Variants in KLHL2 observed in about 807,000 individuals in gnomAD.
The protein encoded by KLHL2 is kelch like family member 2.
Under a neutral mutation model 75.8 loss-of-function variants are expected in KLHL2, and 15 were observed. The ratio of observed to expected loss-of-function variants is 0.20; its 90% CI spans 0.13 to 0.30. KLHL2 has a LOEUF of 0.30. Among genes scored for constraint, KLHL2 ranks in the 10% least tolerant of loss-of-function variants. KLHL2 has a pLI of 1.00. For missense variants in KLHL2, 381 were observed against 741.0 expected, an observed-to-expected ratio of 0.51 and a Z score of 5.64; for synonymous variants, 214 against 251.9, an observed-to-expected ratio of 0.85 and a Z score of 1.42.
At chr4:165,270,567 C>CAACAGGCCCCTGAAA (rs1200089176) in intron 5 of KLHL2, among the ~76,000 whole-genome samples, 4 of 151,990 alleles carry the variant, frequency 2.6e-5, no homozygotes, top group Non-Finnish European at 1.5e-5. Flanking sequence ...GTTTTTCTTC[C>CAACAGGCCCCTGAAA]AACAGGCCCC....
At chr4:165,304,520 C>G (rs1183782055) in intron 8 of KLHL2, among the ~76,000 whole-genome samples, 1 of 152,098 alleles carries the variant, frequency 6.6e-6, no homozygotes, top group African/African-American at 2.4e-5. Context: ...CCTTGCCATT[C>G]TTTACAGTTT....
chr4:165,231,125 A>G (rs1449774596), intron 3 of KLHL2, among the ~76,000 whole-genome samples: 2 of 151,892 alleles, frequency 1.3e-5, no homozygotes, highest in African/African-American at 4.8e-5. Flanking sequence ...TTTTTTTACT[A>G]GTTTATTGAG....
At chr4:165,214,053 C>T (rs1420520647) in intron 1 of KLHL2, among the ~76,000 whole-genome samples, 2 of 152,068 alleles carry the variant, frequency 1.3e-5, no homozygotes, top group Non-Finnish European at 2.9e-5. Flanking sequence ...AGTGACTAAT[C>T]CAGGGTCTCT....
chr4:165,310,076 G>A (rs1166291449), intron 9 of KLHL2, among the ~76,000 whole-genome samples: 4 of 152,128 alleles, frequency 2.6e-5, no homozygotes, highest in Non-Finnish European at 5.9e-5. Context: ...AGTGGCTCAC[G>A]CTTGTAATCC....
At chr4:165,243,280 T>C (rs1739970449) in intron 4 of KLHL2, among the ~76,000 whole-genome samples, 1 of 152,232 alleles carries the variant, frequency 6.6e-6, no homozygotes, top group African/African-American at 2.4e-5. Flanking sequence ...GGTATTTGTT[T>C]TGGCTTCCTA....
At position 165,318,119 on chromosome 4, in the gene KLHL2, A is replaced by G. The variant is rs912059153; in HGVS notation, c.1753+150A>G. ...TTAAGATGATTAACATTGGCTGTGT[A>G]TATTCTGAAATAAAGCACCAGTATA... On this transcript the variant is annotated intron_variant, in intron 14 of 14. Coordinates refer to ENST00000226725, the MANE Select transcript of KLHL2 (RefSeq NM_007246.4). 7.2e-6 allele frequency: 5 copies of G among 690,664 alleles called. No individual in the cohort carries two copies. The African/African-American group carries it at 7.4e-5, about 10-fold the overall frequency. The allele number at this position is 690,664 out of a possible 1,614,324, so 42.8% of individuals were successfully genotyped here.
intron 2 of KLHL2, among the ~76,000 whole-genome samples, chr4:165,227,173 C>T (rs915961094): frequency 6.6e-6 from 1 of 152,088 alleles, no homozygotes; most frequent in African/African-American, 2.4e-5. Flanking sequence ...CCTTTTATGA[C>T]TCCAATACGG....
At chr4:165,311,915 C>T (rs2126569186) in intron 11 of KLHL2, among the ~76,000 whole-genome samples, 1 of 151,390 alleles carries the variant, frequency 6.6e-6, no homozygotes, top group East Asian at 1.9e-4. Flanking sequence ...AACAGCAGTC[C>T]CCAACCTTTT....
intron 5 of KLHL2, among the ~76,000 whole-genome samples, chr4:165,286,349 G>T (rs1211655157): frequency 6.6e-6 from 1 of 152,158 alleles, no homozygotes; most frequent in Non-Finnish European, 1.5e-5. Flanking sequence ...CAAACATTGG[G>T]GTTTGGGGGG....
rs776771056 is a variant in KLHL2, at chr4:165,297,595, A to G, written c.655-14A>G. On this transcript the variant is annotated splice_polypyrimidine_tract_variant and intron_variant, in intron 6 of 14. Transcript: ENST00000226725. The stretch of plus-strand genomic sequence containing the variant: ...CTCATTTCTTATTTTTTCTTCTCCT[A>G]TATTTTCTGCAAGGTATTTGAAGCA... The G allele has an allele frequency of 6.0e-6, 9 of 1,503,252 alleles. No homozygotes were observed. The highest frequency in any genetic ancestry group is 1.7e-4 in the Middle Eastern group (1 of 5,900). The allele number at this position is 1,503,252 out of a possible 1,614,324, so 93.1% of individuals were successfully genotyped here. A position where few individuals can be genotyped will look rare whatever the true frequency, so the allele number is the denominator to read the frequency against.
At chr4:165,264,549 A>C (rs1047222362) in intron 5 of KLHL2, among the ~76,000 whole-genome samples, 9 of 146,186 alleles carry the variant, frequency 6.2e-5, no homozygotes, top group African/African-American at 2.3e-4. Flanking sequence ...AAAAGACATT[A>C]TTTCTTTCTT....
Position 165,235,631 on chromosome 4 carries a change from C to T in KLHL2, c.260-3147C>T, listed in dbSNP as rs1186412864. ...TACAGAGATAAGAAAGGCTTCATCC[C>T]TGTTCTCAGTGAGCTTAAGAATTCA... On this transcript the variant is annotated intron_variant, in intron 3 of 14. Transcript: ENST00000226725. Among the ~76,000 whole-genome samples, 4 of 152,320 alleles carry T rather than the reference C, an allele frequency of 2.6e-5. No individual in the cohort carries two copies. The South Asian group carries it at 6.2e-4, about 24-fold the overall frequency.
chr4:165,219,605 G>A (rs746555512), intron 1 of KLHL2: 24 of 880,644 alleles, frequency 2.7e-5, no homozygotes, highest in Non-Finnish European at 3.4e-5. Context: ...GTTTGTAAAA[G>A]CAAGTTAATT....
intron 7 of KLHL2, 39 bp downstream of exon 7, chr4:165,297,764 T>A (rs780338766): frequency 8.4e-7 from 1 of 1,196,516 alleles, no homozygotes; most frequent in Non-Finnish European, 1.3e-6. Flanking sequence ...CACACAGCAC[T>A]GTGTCACTGG....
intron 2 of KLHL2, among the ~76,000 whole-genome samples, chr4:165,221,706 A>G (rs1179433758): frequency 2.0e-5 from 3 of 152,188 alleles, no homozygotes; most frequent in African/African-American, 7.2e-5. Context: ...GAGAGATAAG[A>G]GAAAGTTAAA....
At chr4:165,263,519 C>T (rs1221639701) in intron 5 of KLHL2, among the ~76,000 whole-genome samples, 160 bp downstream of exon 5, 1 of 152,028 alleles carries the variant, frequency 6.6e-6, no homozygotes, top group Admixed American at 6.6e-5. Context: ...CTGAAGCATA[C>T]TCATAAAATT....
chr4:165,311,464 G>T lies in KLHL2; in HGVS notation c.1238G>T (p.Gly413Val). 1 of 1,603,404 alleles carries T rather than the reference G, an allele frequency of 6.2e-7. No individual in the cohort carries two copies. The highest frequency in any genetic ancestry group is 8.5e-7 in the Non-Finnish European group (1 of 1,171,552). ...YAVGGFDGSTGLSSVEAYNIK... is the reference protein window; with the variant it reads ...YAVGGFDGSTVLSSVEAYNIK... ...TGAAGACTATTGTGCTTTATTATAGGTTTGTCATCTGTGGAAGCATACAAC... is the reference window on the plus strand; with the variant it reads ...TGAAGACTATTGTGCTTTATTATAGTTTTGTCATCTGTGGAAGCATACAAC... The change falls in exon 11 of 15, where the codon GGT (glycine) becomes GTT (valine). Residue 413 changes from glycine (G) to valine (V), a missense_variant and splice_region_variant. Transcript: ENST00000226725.
At chr4:165,269,812 A>G (rs1742541232) in intron 5 of KLHL2, among the ~76,000 whole-genome samples, 1 of 151,408 alleles carries the variant, frequency 6.6e-6, no homozygotes, top group South Asian at 2.1e-4. Context: ...CTTCTTGAGG[A>G]TTATCTTTGT....
In KLHL2 at chr4:165,284,837, G is replaced by A. The variant is rs907976079; in HGVS notation, c.545-9522G>A. The stretch of plus-strand genomic sequence containing the variant: ...TTAACAGTTCCACATGGCTGGGGAG[G>A]CCTCACAATCATGGTGGAATGTAAG... On this transcript the variant is annotated intron_variant, in intron 5 of 14. Coordinates refer to ENST00000226725, the MANE Select transcript of KLHL2 (RefSeq NM_007246.4). Among the ~76,000 whole-genome samples the A allele has an allele frequency of 2.3e-4, 35 of 152,204 alleles. 1 individual carries two copies. The highest frequency in any genetic ancestry group is 8.2e-4 in the African/African-American group (34 of 41,444).
Sources: gnomAD v4.1 joint callset for allele counts (sites outside exome capture counted in the v4.1 genomes callset) on GRCh38, gnomAD v4.1.1 for gene constraint, MANE v1.5 for transcripts, NCBI Gene and HGNC (gene_info 2026-07-23, HGNC 2026-07-21) for gene names.